CARMIL1: variants seen among roughly 807,000 people sequenced by gnomAD.
CARMIL1 encodes F-actin-uncapping protein LRRC16A.
A neutral mutation model predicts 177.1 loss-of-function variants in CARMIL1; 90 were observed. The observed-to-expected ratio is 0.51, with a 90% CI of 0.43 to 0.61. The LOEUF is 0.61. CARMIL1 is among the 20% of genes least tolerant of loss of function. The pLI, the probability that CARMIL1 is intolerant of heterozygous loss-of-function variation, is 0.00. For synonymous variants in CARMIL1, 577 were observed against 606.2 expected, an observed-to-expected ratio of 0.95 and a Z score of 0.71; for missense variants, 1,380 against 1,667.0, an observed-to-expected ratio of 0.83 and a Z score of 3.00.
At chr6:25,342,264 GTC>G (rs1464668064) in intron 2 of CARMIL1, among the ~76,000 whole-genome samples, 1 of 152,190 alleles carries the variant, frequency 6.6e-6, no homozygotes, top group Admixed American at 6.5e-5. Flanking sequence ...TTGTGAAGAG[GTC>G]ATTTAGTCTC....
chr6:25,426,382 A>G, intron 3 of CARMIL1, 119 bp from the exon 4 acceptor site: 1 of 650,040 alleles, frequency 1.5e-6, no homozygotes. Flanking sequence ...CCAGTGTCTT[A>G]TTTGCTCTTG....
chr6:25,489,697 G>A (rs1386969270), intron 13 of CARMIL1, among the ~76,000 whole-genome samples: 1 of 152,140 alleles, frequency 6.6e-6, no homozygotes. Context: ...TTACCTGTAA[G>A]GCAGGAAGTA....
At chr6:25,344,936 C>T (rs1178895125) in intron 2 of CARMIL1, among the ~76,000 whole-genome samples, 1 of 152,132 alleles carries the variant, frequency 6.6e-6, no homozygotes, top group Non-Finnish European at 1.5e-5. Flanking sequence ...ATAAAAACAT[C>T]CTCTCTTGAC....
At chr6:25,325,468 C>T (rs1784998272) in intron 2 of CARMIL1, among the ~76,000 whole-genome samples, 1 of 152,070 alleles carries the variant, frequency 6.6e-6, no homozygotes, top group African/African-American at 2.4e-5. Flanking sequence ...GATTTGTGTT[C>T]AGTAGCATTT....
chr6:25,344,752 T>G (rs1581633957), intron 2 of CARMIL1, among the ~76,000 whole-genome samples: 1 of 152,256 alleles, frequency 6.6e-6, no homozygotes, highest in East Asian at 1.9e-4. Flanking sequence ...ACCCACCACC[T>G]GCCTGCGTCT....
intron 2 of CARMIL1, among the ~76,000 whole-genome samples, chr6:25,322,489 AAC>A (rs1019754081): frequency 1.3e-5 from 2 of 152,222 alleles, no homozygotes; most frequent in African/African-American, 2.4e-5. Flanking sequence ...CACACATACA[AAC>A]ACACATATGC....
intron 4 of CARMIL1, among the ~76,000 whole-genome samples, chr6:25,434,983 A>G (rs116205352): frequency 7.6e-4 from 116 of 152,320 alleles, no homozygotes; most frequent in African/African-American, 2.6e-3. Flanking sequence ...TAGATTGCCT[A>G]TGGGTACCCA....
chr6:25,475,633 A>G (rs1039990111), intron 11 of CARMIL1, among the ~76,000 whole-genome samples: 1 of 152,246 alleles, frequency 6.6e-6, no homozygotes, highest in African/African-American at 2.4e-5. Flanking sequence ...TACTACTCAA[A>G]AGAGAATGGA....
intron 2 of CARMIL1, among the ~76,000 whole-genome samples, chr6:25,377,760 A>T (rs1186355885): frequency 6.6e-6 from 1 of 152,216 alleles, no homozygotes; most frequent in Non-Finnish European, 1.5e-5. Context: ...GAGGTCACAC[A>T]TGACTTTTCT....
intron 27 of CARMIL1, among the ~76,000 whole-genome samples, chr6:25,552,795 T>A (rs568579857): frequency 6.6e-6 from 1 of 152,266 alleles, no homozygotes; most frequent in East Asian, 1.9e-4. Flanking sequence ...CCTATAGTTT[T>A]ATGAGGAAGT....
chr6:25,410,076 A>ACC (rs371418369), intron 2 of CARMIL1, among the ~76,000 whole-genome samples: 19 of 140,004 alleles, frequency 1.4e-4, no homozygotes, highest in African/African-American at 3.5e-4. Context: ...ATCTAAATCA[A>ACC]CCCCCCCCGC....
intron 2 of CARMIL1, among the ~76,000 whole-genome samples, chr6:25,350,227 ATTC>A (rs762129578): frequency 3.3e-5 from 5 of 152,288 alleles, no homozygotes; most frequent in Admixed American, 6.5e-5. Flanking sequence ...GTCTAGGCCT[ATTC>A]TTAGTATTTT....
intron 5 of CARMIL1, among the ~76,000 whole-genome samples, chr6:25,448,810 G>A (rs1337720709): frequency 6.6e-6 from 1 of 152,028 alleles, no homozygotes; most frequent in African/African-American, 2.4e-5. Context: ...AAAATTTTTT[G>A]AGTGAATTAA....
chr6:25,496,484 A>C (rs1438734755), intron 16 of CARMIL1, among the ~76,000 whole-genome samples: 2 of 151,862 alleles, frequency 1.3e-5, no homozygotes, highest in East Asian at 1.9e-4. Context: ...AAAAAAAAAA[A>C]AAAAAACCAG....
intron 11 of CARMIL1, chr6:25,472,744 T>G (rs1211706321): frequency 3.8e-6 from 2 of 522,774 alleles, no homozygotes; most frequent in Non-Finnish European, 6.8e-6. Context: ...GAAAGGAAGA[T>G]ATTATTTTTA....
At chr6:25,433,153 G>A (rs915711461) in intron 4 of CARMIL1, 2 of 152,124 alleles carry the variant, frequency 1.3e-5, no homozygotes, top group African/African-American at 4.8e-5. Context: ...GTGCTTGCTT[G>A]TAAGGTTGAA....
rs1045418707 is a variant in CARMIL1, at chr6:25,424,739, C to A, written c.190-1762C>A. 3.3e-5 allele frequency among the ~76,000 whole-genome samples: 5 copies of A among 152,202 alleles called. 1 individual carries two copies. The East Asian group carries it at 7.7e-4, about 23-fold the overall frequency. ...TTAAATTGCTGTTTTAAAGACTAGACAACTTTATAGTTGGGGGAGGGGTGG... is the reference window on the plus strand; with the variant it reads ...TTAAATTGCTGTTTTAAAGACTAGAAAACTTTATAGTTGGGGGAGGGGTGG... On this transcript the variant is annotated intron_variant, in intron 3 of 36. Coordinates refer to ENST00000329474, the MANE Select transcript of CARMIL1 (RefSeq NM_017640.6).
intron 2 of CARMIL1, among the ~76,000 whole-genome samples, chr6:25,341,883 T>A (rs2150326314): frequency 1.3e-5 from 2 of 152,332 alleles, no homozygotes; most frequent in East Asian, 3.9e-4. Flanking sequence ...AAGTCCATGA[T>A]GATCTGTGAG....
intron 2 of CARMIL1, among the ~76,000 whole-genome samples, chr6:25,382,341 C>T (rs58095699): frequency 0.15 from 22,586 of 152,078 alleles, 1,730 homozygotes; most frequent in African/African-American, 0.19. Flanking sequence ...CAGTTGTGTC[C>T]GGAGTTGGTT....
Sources: gnomAD v4.1 joint callset for allele counts (sites outside exome capture counted in the v4.1 genomes callset) on GRCh38, gnomAD v4.1.1 for gene constraint, MANE v1.5 for transcripts, NCBI Gene and HGNC (gene_info 2026-07-23, HGNC 2026-07-21) for gene names.